The following TWIST2 variants were observed in gnomAD, a reference collection of about 807,000 sequenced individuals.
TWIST2 encodes the protein twist-related protein 2.
Under a neutral mutation model 11.6 loss-of-function variants are expected in TWIST2, and 1 was observed. That is an observed-to-expected ratio of 0.09 (90% CI 0.03 to 0.41). The LOEUF (loss-of-function observed/expected upper bound fraction) is 0.41, where lower values mean the gene tolerates loss of function less well. TWIST2 is among the 10% of genes least tolerant of loss of function. The pLI, the probability that TWIST2 is intolerant of heterozygous loss-of-function variation, is 0.98. For synonymous variants in TWIST2, 87 were observed against 96.6 expected, an observed-to-expected ratio of 0.90 and a Z score of 0.58; for missense variants, 168 against 226.4, an observed-to-expected ratio of 0.74 and a Z score of 1.66.
rs1389983882 is a variant in TWIST2, at chr2:238,864,386, G to T, written c.*35+15653G>T. Reference sequence around the variant, plus strand: ...AGTCCCCTCCGCGGGCCTCCTGCATGAATCAGAGCCGACTGGGAGCAGGAG... The same window carrying T: ...AGTCCCCTCCGCGGGCCTCCTGCATTAATCAGAGCCGACTGGGAGCAGGAG... On this transcript the variant is annotated intron_variant, in intron 1 of 1. Coordinates refer to ENST00000612363, the MANE Select transcript of TWIST2 (RefSeq NM_001271893.4). This position sits in a 1 kb window ranked among gnomAD's most constrained non-coding sequence, Gnocchi z 4.7. 6.6e-6 allele frequency among the ~76,000 whole-genome samples: 1 copy of T among 152,264 alleles called. No homozygotes were observed. Among genetic ancestry groups the T allele is most frequent in the Non-Finnish European group, 1.5e-5 (1 of 68,048 alleles).
intron 1 of TWIST2, among the ~76,000 whole-genome samples, chr2:238,857,891 C>T (rs1239328832): frequency 1.3e-5 from 2 of 152,070 alleles, no homozygotes; most frequent in East Asian, 1.9e-4. Context: ...GAGCTGAGAT[C>T]GCGCCACTGC....
At chr2:238,865,958 C>T (rs547350990) in intron 1 of TWIST2, among the ~76,000 whole-genome samples, 46 of 152,308 alleles carry the variant, frequency 3.0e-4, no homozygotes, top group Admixed American at 6.5e-4. Flanking sequence ...TCCCATCTCC[C>T]GGGATCTGCT....
intron 1 of TWIST2, among the ~76,000 whole-genome samples, chr2:238,882,131 C>T (rs1304471774): frequency 1.3e-5 from 2 of 152,146 alleles, no homozygotes; most frequent in Non-Finnish European, 2.9e-5. Flanking sequence ...AGATTTAACC[C>T]TGGGCCTCTG....
At chr2:238,905,942 T>C (rs1183235715) in intron 1 of TWIST2, among the ~76,000 whole-genome samples, 7,662 of 109,492 alleles carry the variant, frequency 0.07, 273 homozygotes, top group African/African-American at 0.16. Context: ...CGCGTGTGTG[T>C]GCGCGCGCGT....
chr2:238,856,297 A>AT (rs1259349251), intron 1 of TWIST2, among the ~76,000 whole-genome samples: 1 of 152,102 alleles, frequency 6.6e-6, no homozygotes. Context: ...CTTTCAGACT[A>AT]TTTTTTTCTG....
rs1423105669 is a variant in TWIST2, at chr2:238,864,559, C to T, written c.*35+15826C>T. On this transcript the variant is annotated intron_variant, in intron 1 of 1. Coordinates refer to ENST00000612363, the MANE Select transcript of TWIST2 (RefSeq NM_001271893.4). The surrounding 1 kb of genome is among the most constrained non-coding windows in gnomAD (Gnocchi z 4.7). ...CCACCCGGCCCCCAGGCCAGGTCAGCCTGGGGAGGGGAGAACTAAGGGCAC... is the reference window on the plus strand; with the variant it reads ...CCACCCGGCCCCCAGGCCAGGTCAGTCTGGGGAGGGGAGAACTAAGGGCAC... Among the ~76,000 whole-genome samples the T allele has an allele frequency of 6.6e-6, 1 of 151,666 alleles. No homozygotes were observed. The highest frequency in any genetic ancestry group is 1.5e-5 in the Non-Finnish European group (1 of 67,896).
chr2:238,887,885 G>T (rs1693069922), intron 1 of TWIST2, among the ~76,000 whole-genome samples: 1 of 152,224 alleles, frequency 6.6e-6, no homozygotes, highest in Non-Finnish European at 1.5e-5. Flanking sequence ...CTTCTTTGTT[G>T]CAGCGTGAAG....
chr2:238,903,069 TGTGTGTGATGTGGG>T (rs1274097757), intron 1 of TWIST2, among the ~76,000 whole-genome samples: 2 of 79,026 alleles, frequency 2.5e-5, no homozygotes, highest in Admixed American at 2.6e-4. Flanking sequence ...TGTGATGTAG[TGTGTGTGATGTGGG>T]GTGTGTGCTG....
At chr2:238,886,544 CA>C (rs1477436960) in intron 1 of TWIST2, among the ~76,000 whole-genome samples, 3 of 151,828 alleles carry the variant, frequency 2.0e-5, no homozygotes, top group Non-Finnish European at 2.9e-5. Flanking sequence ...CACCTCACCC[CA>C]AATCTAAGGA....
intron 1 of TWIST2, among the ~76,000 whole-genome samples, chr2:238,872,912 C>T (rs867261740): frequency 6.6e-6 from 1 of 152,212 alleles, no homozygotes; most frequent in East Asian, 1.9e-4. Context: ...TGAGTCCTGG[C>T]TGTTTGCAGT....
chr2:238,906,511 CACAT>C (rs1400226348), intron 1 of TWIST2, among the ~76,000 whole-genome samples: 13 of 152,254 alleles, frequency 8.5e-5, no homozygotes, highest in East Asian at 3.9e-4. Context: ...CATGCTCACA[CACAT>C]GCATGCACAC....
intron 1 of TWIST2, among the ~76,000 whole-genome samples, chr2:238,898,512 T>C (rs1473733740): frequency 6.6e-6 from 1 of 152,188 alleles, no homozygotes; most frequent in Non-Finnish European, 1.5e-5. Context: ...CAAAGATCGC[T>C]TGGATCTATT....
rs190361257 is a variant in TWIST2, at chr2:238,859,119, G to A, written c.*35+10386G>A. On this transcript the variant is annotated intron_variant, in intron 1 of 1. Coordinates refer to ENST00000612363, the MANE Select transcript of TWIST2 (RefSeq NM_001271893.4). ...TCCAGCTACTCGGGAGGCTGAGTCA[G>A]GAGAATCGCTTGAACCTGGGAGGCA... Among the ~76,000 whole-genome samples, 955 of 151,728 alleles carry A rather than the reference G, an allele frequency of 6.3e-3. 8 individuals carry two copies. Among genetic ancestry groups the A allele is most frequent in the Non-Finnish European group, 9.9e-3 (675 of 68,002 alleles).
chr2:238,878,669 A>C (rs1179881637), intron 1 of TWIST2, among the ~76,000 whole-genome samples: 2 of 152,214 alleles, frequency 1.3e-5, no homozygotes, highest in Non-Finnish European at 2.9e-5. Flanking sequence ...TTCCTCCAGG[A>C]GGTAACGCAG....
At chr2:238,897,143 A>G (rs1693216041) in intron 1 of TWIST2, among the ~76,000 whole-genome samples, 2 of 152,094 alleles carry the variant, frequency 1.3e-5, no homozygotes, top group African/African-American at 4.8e-5. Flanking sequence ...ATATTCACCA[A>G]ATCCTCCAAC....
intron 1 of TWIST2, among the ~76,000 whole-genome samples, chr2:238,856,378 T>G (rs1692328979): frequency 6.6e-6 from 1 of 152,234 alleles, no homozygotes; most frequent in South Asian, 2.1e-4. Flanking sequence ...TCTGCTCGTT[T>G]CAGTGTTGCT....
intron 1 of TWIST2, among the ~76,000 whole-genome samples, chr2:238,897,912 T>G (rs924031390): frequency 1.3e-5 from 2 of 151,924 alleles, no homozygotes; most frequent in Non-Finnish European, 2.9e-5. Context: ...CTCCCGAGAG[T>G]CTCCATGGGG....
At chr2:238,870,535 T>A (rs868837295) in intron 1 of TWIST2, among the ~76,000 whole-genome samples, 9 of 13,650 alleles carry the variant, frequency 6.6e-4, no homozygotes, top group Non-Finnish European at 1.1e-3. Flanking sequence ...CCACACACCC[T>A]ACATACCCCA....
chr2:238,895,931 T>C (rs1198263458), intron 1 of TWIST2, among the ~76,000 whole-genome samples: 2 of 152,110 alleles, frequency 1.3e-5, no homozygotes, highest in African/African-American at 4.8e-5. Flanking sequence ...CCAAGCACAG[T>C]CAGCCTGGGT....
Sources: gnomAD v4.1 joint callset for allele counts (sites outside exome capture counted in the v4.1 genomes callset) on GRCh38, gnomAD v4.1.1 for gene constraint, Gnocchi (gnomAD v3.1) non-coding constraint, MANE v1.5 for transcripts, NCBI Gene and HGNC (gene_info 2026-07-23, HGNC 2026-07-21) for gene names.